The following SLC44A5 variants were observed in gnomAD, a reference collection of about 807,000 sequenced individuals.
SLC44A5 encodes choline transporter-like protein 5.
Under a neutral mutation model 101.8 loss-of-function variants are expected in SLC44A5, and 57 were observed. The ratio of observed to expected loss-of-function variants is 0.56; its 90% CI spans 0.45 to 0.70. The LOEUF (loss-of-function observed/expected upper bound fraction) is 0.70. Among genes scored for constraint, SLC44A5 ranks in the 30% least tolerant of loss-of-function variants. The pLI, the probability that SLC44A5 is intolerant of heterozygous loss-of-function variation, is 0.00. For missense variants in SLC44A5, 737 were observed against 853.1 expected, an observed-to-expected ratio of 0.86 and a Z score of 1.70; for synonymous variants, 281 against 290.9, an observed-to-expected ratio of 0.97 and a Z score of 0.35.
chr1:75,227,083 C>T (rs1163669761), intron 13 of SLC44A5, among the ~76,000 whole-genome samples: 3 of 151,978 alleles, frequency 2.0e-5, no homozygotes, highest in African/African-American at 7.3e-5. Context: ...AGGCTGGGCA[C>T]GGTGGCTCAC....
rs376382281 is a variant in SLC44A5 at position 75,274,179 on chromosome 1, GT to G, written c.260+778del. On this transcript the variant is annotated intron_variant, in intron 6 of 23. Transcript: ENST00000370859. ...AAGTCAGGGGTGTGGTTGCTTTGGGGTTTTTTTTTTAACCATCTAGAGCCAG... is the reference window on the plus strand; with the variant it reads ...AAGTCAGGGGTGTGGTTGCTTTGGGGTTTTTTTTTAACCATCTAGAGCCAG... Among the ~76,000 whole-genome samples, 1,103 of 147,314 alleles carry G rather than the reference GT, an allele frequency of 7.5e-3. 7 individuals are homozygous for G. The highest frequency in any genetic ancestry group is 0.026 in the African/African-American group (1,035 of 40,394).
At chr1:75,221,136 G>A (rs1647070643) in intron 14 of SLC44A5, among the ~76,000 whole-genome samples, 1 of 152,204 alleles carries the variant, frequency 6.6e-6, no homozygotes, top group African/African-American at 2.4e-5. Context: ...GGGAAGGAGA[G>A]AGAGTTTAAC....
intron 1 of SLC44A5, among the ~76,000 whole-genome samples, chr1:75,555,809 A>C (rs893367947): frequency 6.6e-6 from 1 of 152,136 alleles, no homozygotes; most frequent in African/African-American, 2.4e-5. Flanking sequence ...TAAAATATTA[A>C]AAATTCTCCA....
At chr1:75,465,627 A>G (rs1048520865) in intron 2 of SLC44A5, among the ~76,000 whole-genome samples, 10 of 152,042 alleles carry the variant, frequency 6.6e-5, no homozygotes, top group African/African-American at 2.2e-4. Context: ...CAAAATAGAC[A>G]AACCTTTATC....
the SLC44A5 span, chr1:75,723,794 A>G: frequency 6.6e-6 from 1 of 152,214 alleles, no homozygotes; most frequent in African/African-American, 2.4e-5. Context: ...TGTACCTAGG[A>G]CTAACACACT....
At chr1:75,289,712 T>G (rs1653374890) in intron 5 of SLC44A5, among the ~76,000 whole-genome samples, 1 of 152,182 alleles carries the variant, frequency 6.6e-6, no homozygotes, top group South Asian at 2.1e-4. Context: ...GAAAAAAAAT[T>G]AAACCAGATT....
chr1:75,641,944 T>C, the SLC44A5 span: 10 of 1,604,812 alleles, frequency 6.2e-6, no homozygotes, highest in African/African-American at 1.3e-4. Flanking sequence ...CCATGGAACA[T>C]ATTCCAACCA....
At chr1:75,480,989 C>A (rs904197135) in intron 2 of SLC44A5, among the ~76,000 whole-genome samples, 2 of 152,188 alleles carry the variant, frequency 1.3e-5, no homozygotes, top group African/African-American at 4.8e-5. Context: ...CATCACACTA[C>A]CTGACTTCAA....
At chr1:75,721,131 AG>A in the SLC44A5 span, among the ~76,000 whole-genome samples, 54 of 152,278 alleles carry the variant, frequency 3.5e-4, no homozygotes, top group Middle Eastern at 6.8e-3. Context: ...AACATCACTG[AG>A]GTATAAAGAG....
intron 6 of SLC44A5, among the ~76,000 whole-genome samples, chr1:75,258,313 C>T (rs1030261493): frequency 1.3e-5 from 2 of 152,088 alleles, no homozygotes; most frequent in Non-Finnish European, 2.9e-5. Context: ...ACTTTGAGCA[C>T]AGCAGTCTGA....
At chr1:75,667,745 C>T in the SLC44A5 span, among the ~76,000 whole-genome samples, 3 of 152,162 alleles carry the variant, frequency 2.0e-5, no homozygotes, top group Non-Finnish European at 4.4e-5. Context: ...AATGAAGTGC[C>T]GAACTAAGAG....
At chr1:75,401,386 C>CA in intron 2 of SLC44A5, among the ~76,000 whole-genome samples, 1 of 152,220 alleles carries the variant, frequency 6.6e-6, no homozygotes, top group East Asian at 1.9e-4. Context: ...ATCAGCATAC[C>CA]AATCATTATT....
intron 19 of SLC44A5, among the ~76,000 whole-genome samples, chr1:75,215,140 C>G (rs1646935793): frequency 6.6e-6 from 1 of 152,106 alleles, no homozygotes; most frequent in Non-Finnish European, 1.5e-5. Flanking sequence ...CTGTTTGAAT[C>G]TCCATAACTA....
the SLC44A5 span, among the ~76,000 whole-genome samples, chr1:75,675,410 G>A: frequency 6.6e-6 from 1 of 151,902 alleles, no homozygotes; most frequent in Non-Finnish European, 1.5e-5. Context: ...TTGGCTCTCT[G>A]CTCATCTGTT....
In SLC44A5 at chr1:75,505,635, G is replaced by A. The variant is rs189986208; in HGVS notation, c.13+35800C>T. Among the ~76,000 whole-genome samples the A allele has an allele frequency of 1.4e-3, 210 of 151,962 alleles. 2 individuals carry two copies. Among genetic ancestry groups the A allele is most frequent in the East Asian group, 4.4e-3 (23 of 5,170 alleles). On this transcript the variant is annotated intron_variant, in intron 2 of 23. Transcript: ENST00000370859. ...TGGAGCATTTATTCATACTTTTTTC[G>A]CTGTTTGAATGTCTTCTTTTCAGAA... is the stretch of plus-strand genomic sequence containing the variant.
At chr1:75,718,661 T>C in the SLC44A5 span, among the ~76,000 whole-genome samples, 1 of 152,290 alleles carries the variant, frequency 6.6e-6, no homozygotes, top group East Asian at 1.9e-4. Flanking sequence ...CCTCTTTCTC[T>C]CCTAGGACTG....
chr1:75,719,100 A>C, the SLC44A5 span, among the ~76,000 whole-genome samples: 1 of 152,154 alleles, frequency 6.6e-6, no homozygotes, highest in South Asian at 2.1e-4. Flanking sequence ...AGAGCCAATA[A>C]AAAGCCCATG....
At chr1:75,375,370 T>G (rs534066025) in intron 3 of SLC44A5, among the ~76,000 whole-genome samples, 103 of 152,202 alleles carry the variant, frequency 6.8e-4, no homozygotes, top group Non-Finnish European at 1.4e-3. Context: ...CTCACTGGCA[T>G]GTCTGAGAGA....
At chr1:75,309,325 G>A (rs1655129123) in intron 4 of SLC44A5, among the ~76,000 whole-genome samples, 1 of 152,252 alleles carries the variant, frequency 6.6e-6, no homozygotes, top group South Asian at 2.1e-4. Context: ...TGTGCCTATA[G>A]TCTCAGCTTC....
Sources: gnomAD v4.1 joint callset for allele counts (sites outside exome capture counted in the v4.1 genomes callset) on GRCh38, gnomAD v4.1.1 for gene constraint, MANE v1.5 for transcripts, NCBI Gene and HGNC (gene_info 2026-07-23, HGNC 2026-07-21) for gene names.